Variants in TMEM51 observed in about 807,000 individuals in gnomAD.
TMEM51 encodes the protein transmembrane protein 51.
A neutral mutation model predicts 13.6 loss-of-function variants in TMEM51; 8 were observed. The ratio of observed to expected loss-of-function variants is 0.59; its 90% CI spans 0.35 to 1.07. TMEM51 has a LOEUF of 1.07. TMEM51 is among the 50% of genes least tolerant of loss of function. TMEM51 has a pLI of 0.02. For missense variants in TMEM51, 279 were observed against 330.7 expected (o/e 0.84, Z 1.21); for synonymous variants, 147 against 144.4 (o/e 1.02, Z -0.13).
At chr1:15,192,455 C>CCTTTTTTTTTTTTTTTTT in intron 1 of TMEM51, 2 of 165,766 alleles carry the variant, frequency 1.2e-5, no homozygotes, top group Admixed American at 9.7e-5. Context: ...TCTTTCTTTT[C>CCTTTTTTTTTTTTTTTTT]TTTTCCTTTT....
intron 1 of TMEM51, chr1:15,168,523 G>A (rs1221734537): frequency 7.7e-7 from 1 of 1,304,688 alleles, no homozygotes; most frequent in African/African-American, 1.5e-5. Context: ...ATGATTGGAA[G>A]CTGGTAGAAC....
rs142403249 is a variant in TMEM51, at chr1:15,219,501, T to G, written c.520T>G (p.Ser174Ala). ...GGGGCTCGACGAGACCACCCCCACA[T>G]CCACCAGGGCTGACGTGGAGGCCAG... ...LTGLDETTPT[S>A]TRADVEASPG... Residue 174 changes from serine (S) to alanine (A), a missense_variant, in exon 4 of 4, where the codon TCC (serine) becomes GCC (alanine). Ser to Ala is a moderately conservative substitution (Grantham distance 99). Coordinates refer to ENST00000376008, the MANE Select transcript of TMEM51 (RefSeq NM_001136218.2). 91 of 1,613,814 alleles carry G rather than the reference T, an allele frequency of 5.6e-5. No homozygotes were observed. In the African/African-American group the frequency reaches 1.1e-3, roughly 19 times the overall value.
rs184787493 is a variant in TMEM51 at position 15,159,326 on chromosome 1, G to A, written c.-267+5372G>A. 5.7e-3 allele frequency among the ~76,000 whole-genome samples: 875 copies of A among 152,262 alleles called. 10 individuals carry two copies. The highest frequency in any genetic ancestry group is 0.02 in the African/African-American group (844 of 41,556). On this transcript the variant is annotated intron_variant, in intron 1 of 3. Transcript: ENST00000376008. ...ACATTGAGGAGAATCTGCAGATGTA[G>A]ACCCTTGACCCCTCCACAAATGAGC...
intron 1 of TMEM51, among the ~76,000 whole-genome samples, chr1:15,181,173 C>T (rs72640798): frequency 0.13 from 19,526 of 152,202 alleles, 1,612 homozygotes; most frequent in Non-Finnish European, 0.18. Context: ...GTGCTAATAC[C>T]AGCCTTAACA....
At chr1:15,214,772 C>T (rs1201405612) in intron 2 of TMEM51, 123 bp from the exon 3 acceptor site, 2 of 316,080 alleles carry the variant, frequency 6.3e-6, no homozygotes, top group Non-Finnish European at 1.2e-5. Context: ...AAAGGCGAGG[C>T]CCAGCCAGAG....
In TMEM51 at chr1:15,161,306, C is replaced by T. The variant is rs1033187241; in HGVS notation, c.-267+7352C>T. Among the ~76,000 whole-genome samples the T allele has an allele frequency of 6.6e-6, 1 of 151,662 alleles. No homozygotes were observed. Among genetic ancestry groups the T allele is most frequent in the African/African-American group, 2.4e-5 (1 of 41,124 alleles). On this transcript the variant is annotated intron_variant, in intron 1 of 3. Transcript: ENST00000376008. The surrounding 1 kb of genome is among the most constrained non-coding windows in gnomAD (Gnocchi z 4.0). ...TGGATTGCTTGAGGTCAGGAGTTCA[C>T]GACTAGCCTGGCCAACATGGTGAAA... is the stretch of plus-strand genomic sequence containing the variant.
rs74698778 is a variant in TMEM51, at chr1:15,164,526, C to A, written c.-267+10572C>A. ...GATGGAGATAATATCAATGTAACTT[C>A]TTATTGATGACATCAGCCTTGGTCA... On this transcript the variant is annotated intron_variant, in intron 1 of 3. Transcript: ENST00000376008. 3,244 of 454,278 alleles carry A rather than the reference C, an allele frequency of 7.1e-3. 134 individuals are homozygous for A. Among genetic ancestry groups the A allele is most frequent in the African/African-American group, 0.058 (2,909 of 49,960 alleles). 28.1% of individuals were successfully genotyped at this position (454,278 alleles called of 1,614,324 possible). A position where few individuals can be genotyped will look rare whatever the true frequency, so the allele number is the denominator to read the frequency against.
intron 1 of TMEM51, among the ~76,000 whole-genome samples, chr1:15,195,832 G>A (rs937686200): frequency 2.6e-5 from 4 of 152,108 alleles, no homozygotes; most frequent in East Asian, 1.9e-4. Context: ...GACTGCCCTC[G>A]GCCTTGACCC....
intron 1 of TMEM51, among the ~76,000 whole-genome samples, chr1:15,157,446 G>C (rs1270118028): frequency 2.6e-5 from 4 of 152,174 alleles, no homozygotes; most frequent in Non-Finnish European, 5.9e-5. Flanking sequence ...AAGACCCAGG[G>C]AAGAGGAGAT....
intron 1 of TMEM51, chr1:15,164,586 T>A: frequency 2.4e-6 from 1 of 414,364 alleles, no homozygotes. Context: ...ATTTCTCCAC[T>A]GTAAAGTTAC....
intron 1 of TMEM51, among the ~76,000 whole-genome samples, chr1:15,191,107 A>T (rs1184551429): frequency 1.3e-4 from 20 of 152,172 alleles, no homozygotes; most frequent in Non-Finnish European, 1.3e-4. Context: ...TCTTATAAGG[A>T]GGAGGCAGGC....
At chr1:15,170,468 C>G (rs1643221720) in intron 1 of TMEM51, among the ~76,000 whole-genome samples, 1 of 151,620 alleles carries the variant, frequency 6.6e-6, no homozygotes, top group Admixed American at 6.6e-5. Flanking sequence ...ACCACCACGC[C>G]CGGCTAATTT....
chr1:15,182,544 G>C (rs746435329), intron 1 of TMEM51, among the ~76,000 whole-genome samples: 1 of 152,172 alleles, frequency 6.6e-6, no homozygotes, highest in Non-Finnish European at 1.5e-5. Context: ...CTGAGCTTCA[G>C]GTTCTTCATT....
intron 1 of TMEM51, among the ~76,000 whole-genome samples, chr1:15,169,010 C>T (rs1439684273): frequency 1.3e-5 from 2 of 152,108 alleles, no homozygotes; most frequent in Non-Finnish European, 2.9e-5. Context: ...GCAAACTACC[C>T]CACATCTGAA....
At chr1:15,209,052 AGT>A (rs1011700890) in intron 1 of TMEM51, among the ~76,000 whole-genome samples, 2 of 151,430 alleles carry the variant, frequency 1.3e-5, no homozygotes, top group Admixed American at 6.6e-5. Context: ...TCCAGGAGGT[AGT>A]GTGTGTGTGT....
rs763374463 is a variant in TMEM51, at chr1:15,219,770, C to T, written c.*27C>T. On this transcript the variant is annotated 3_prime_UTR_variant, in exon 4 of 4. Transcript: ENST00000376008. ...TGGCCCCACTTGAGCCACGCTCCCT[C>T]CTGTCTCTCACACCTTTCACCCCCA... The T allele has an allele frequency of 1.2e-6, 2 of 1,604,516 alleles. No individual in the cohort carries two copies. The highest frequency in any genetic ancestry group is 1.7e-6 in the Non-Finnish European group (2 of 1,175,380).
chr1:15,171,673 T>G (rs965756505), intron 1 of TMEM51, among the ~76,000 whole-genome samples: 6 of 152,194 alleles, frequency 3.9e-5, no homozygotes, highest in Non-Finnish European at 5.9e-5. Context: ...TCTCCCAGCT[T>G]TCCACAGATT....
chr1:15,217,355 A>G (rs1410193740), intron 3 of TMEM51, among the ~76,000 whole-genome samples: 1 of 152,206 alleles, frequency 6.6e-6, no homozygotes, highest in Non-Finnish European at 1.5e-5. Context: ...ACTTTTGCAC[A>G]TAATTGAAAG....
chr1:15,193,492 C>T (rs1643975239), intron 1 of TMEM51, among the ~76,000 whole-genome samples: 1 of 152,158 alleles, frequency 6.6e-6, no homozygotes, highest in Non-Finnish European at 1.5e-5. Context: ...CAGCAGCTTG[C>T]AGTGTGCCTG....
Sources: allele counts gnomAD v4.1 joint callset (sites outside exome capture counted in the v4.1 genomes callset), GRCh38; gene constraint gnomAD v4.1.1; non-coding constraint Gnocchi (gnomAD v3.1); transcripts MANE v1.5; gene names NCBI Gene and HGNC (gene_info 2026-07-23, HGNC 2026-07-21).